Variants in TRPC5 observed in about 807,000 individuals in gnomAD.
The protein encoded by TRPC5 is short transient receptor potential channel 5.
In TRPC5, 9 loss-of-function variants were observed where a neutral mutation model predicts 56.5. That is an observed-to-expected ratio of 0.16 (90% CI 0.10 to 0.28). The LOEUF (loss-of-function observed/expected upper bound fraction) is 0.28. Ranked by LOEUF, TRPC5 falls within the 10% of genes least tolerant of loss-of-function variation. The pLI, the probability that TRPC5 is intolerant of heterozygous loss-of-function variation, is 1.00. For synonymous variants in TRPC5, 282 were observed against 278.5 expected (o/e 1.01, Z -0.13); for missense variants, 469 against 748.9 (o/e 0.63, Z 4.36).
rs1946003826 is a variant in TRPC5, at chrX:111,789,852, C to A, written c.1897-7714G>T. On this transcript the variant is annotated intron_variant, in intron 7 of 10. Transcript: ENST00000262839. ...ATCAGAGAAATGCAAATCAAAACCA[C>A]AATAAGATACCATCTCATGCCAGTT... Among the ~76,000 whole-genome samples the A allele has an allele frequency of 2.7e-5, 3 of 112,500 alleles. No homozygotes were observed. In the South Asian group the frequency reaches 1.1e-3, roughly 41 times the overall value.
intron 1 of TRPC5, among the ~76,000 whole-genome samples, chrX:112,075,378 G>C (rs6642985): frequency 0.022 from 2,440 of 111,289 alleles, 71 homozygotes; most frequent in African/African-American, 0.075. Context: ...CCTGTTAAAT[G>C]GGAATAATAA....
intron 7 of TRPC5, among the ~76,000 whole-genome samples, chrX:111,830,149 T>G (rs1011669081): frequency 7.1e-5 from 8 of 112,620 alleles, no homozygotes; most frequent in South Asian, 3.7e-4. Flanking sequence ...CTTCAAGGTT[T>G]AATGACCGCC....
intron 3 of TRPC5, among the ~76,000 whole-genome samples, chrX:111,860,261 C>A (rs1230914182): frequency 9.6e-6 from 1 of 103,821 alleles, no homozygotes; most frequent in African/African-American, 3.5e-5. Context: ...GAAACAAACA[C>A]GCTTTAAATT....
intron 1 of TRPC5, among the ~76,000 whole-genome samples, chrX:112,042,387 AG>A (rs749695967): frequency 2.7e-5 from 3 of 111,709 alleles, no homozygotes; most frequent in Non-Finnish European, 5.6e-5. Context: ...GGTTGTGTTT[AG>A]TTGCTCCAAG....
At chrX:111,923,701 A>G (rs753667626) in intron 2 of TRPC5, among the ~76,000 whole-genome samples, 11 of 111,952 alleles carry the variant, frequency 9.8e-5, no homozygotes, top group Non-Finnish European at 2.1e-4. Context: ...CCCTCCCTGA[A>G]GGCATTTTGC....
intron 7 of TRPC5, among the ~76,000 whole-genome samples, chrX:111,801,270 C>T (rs1489711760): frequency 1.8e-5 from 2 of 111,971 alleles, no homozygotes; most frequent in African/African-American, 6.5e-5. Context: ...GTATAGACTT[C>T]TTGTTTATCC....
intron 7 of TRPC5, among the ~76,000 whole-genome samples, chrX:111,801,465 C>T (rs1044691290): frequency 4.5e-5 from 5 of 111,562 alleles, no homozygotes; most frequent in African/African-American, 1.6e-4. Context: ...GAGGGATATC[C>T]CTATTGTTTC....
intron 1 of TRPC5, among the ~76,000 whole-genome samples, chrX:111,979,607 C>A (rs1482215112): frequency 9.0e-6 from 1 of 111,243 alleles, no homozygotes; most frequent in Non-Finnish European, 1.9e-5. Flanking sequence ...TATAAAGACT[C>A]TTAAAACACC....
chrX:112,043,672 T>G (rs1462402450), intron 1 of TRPC5, among the ~76,000 whole-genome samples: 1 of 105,766 alleles, frequency 9.5e-6, no homozygotes, highest in African/African-American at 3.4e-5. Context: ...AAGCTAGAGA[T>G]AGGGAACTCA....
chrX:112,008,599 C>CAAAAAAAAAAAAAAAAAAAA (rs771663324), intron 1 of TRPC5, among the ~76,000 whole-genome samples: 9 of 74,039 alleles, frequency 1.2e-4, no homozygotes, highest in African/African-American at 3.6e-4. Flanking sequence ...GACTCTGTCT[C>CAAAAAAAAAAAAAAAAAAAA]AAAAAAAAAA....
At chrX:111,846,052 C>A (rs1259413862) in intron 6 of TRPC5, among the ~76,000 whole-genome samples, 1 of 111,742 alleles carries the variant, frequency 8.9e-6, no homozygotes, top group Non-Finnish European at 1.9e-5. Flanking sequence ...CTAGATAGCA[C>A]TGTTTTGTTT....
chrX:111,781,474 C>A (rs1484648628), intron 8 of TRPC5, among the ~76,000 whole-genome samples: 1 of 112,069 alleles, frequency 8.9e-6, no homozygotes, highest in Non-Finnish European at 1.9e-5. Context: ...GCCTGCAATC[C>A]CAGCACTTTG....
intron 1 of TRPC5, among the ~76,000 whole-genome samples, chrX:112,003,255 T>C (rs374319830): frequency 3.0e-4 from 34 of 111,891 alleles, no homozygotes; most frequent in African/African-American, 1.1e-3. Flanking sequence ...CGAAGATAAA[T>C]ATTCTGAAGG....
chrX:111,845,518 G>T (rs757954602), intron 6 of TRPC5, among the ~76,000 whole-genome samples: 26 of 111,823 alleles, frequency 2.3e-4, no homozygotes, highest in Non-Finnish European at 3.4e-4. Flanking sequence ...TTACAAACTT[G>T]CAAGGAGGCA....
chrX:111,862,525 A>C (rs1251190337), intron 3 of TRPC5, among the ~76,000 whole-genome samples: 1 of 112,327 alleles, frequency 8.9e-6, no homozygotes, highest in Non-Finnish European at 1.9e-5. Flanking sequence ...ATCATTGCCC[A>C]ATCCAAGGTC....
Position 111,852,310 on chromosome X carries a change from C to T in TRPC5, c.1365G>A (p.Val455=). 8.3e-7 allele frequency: 1 copy of T among 1,208,070 alleles called. No individual in the cohort carries two copies. The highest frequency in any genetic ancestry group is 1.1e-6 in the Non-Finnish European group (1 of 893,765). ...LYLATISLKI[V]AYVKYNGSRP... The stretch of plus-strand genomic sequence containing the variant: ...CATTCCAATTTACCTTGACATAGGC[C>T]ACAATCTTCAGGGAAATAGTTGCCA... Residue 455 remains valine, a synonymous_variant, in exon 5 of 11, where the codon GTG becomes GTA. Transcript: ENST00000262839.
intron 7 of TRPC5, among the ~76,000 whole-genome samples, chrX:111,825,871 A>T (rs1922218455): frequency 1.8e-5 from 2 of 111,620 alleles, no homozygotes; most frequent in Admixed American, 1.9e-4. Context: ...GCACCAAAAT[A>T]AGTGAGGATG....
intron 2 of TRPC5, among the ~76,000 whole-genome samples, chrX:111,944,699 A>G (rs964934414): frequency 6.3e-5 from 7 of 111,548 alleles, no homozygotes; most frequent in Admixed American, 5.7e-4. Flanking sequence ...GAGACACAGA[A>G]GAAAACTACA....
intron 3 of TRPC5, among the ~76,000 whole-genome samples, chrX:111,863,039 G>C (rs1159971045): frequency 8.9e-6 from 1 of 111,822 alleles, no homozygotes; most frequent in Admixed American, 9.5e-5. Flanking sequence ...TTTAGTTATA[G>C]ATCTAATTGG....
Sources: allele counts gnomAD v4.1 joint callset (sites outside exome capture counted in the v4.1 genomes callset), GRCh38; gene constraint gnomAD v4.1.1; transcripts MANE v1.5; gene names NCBI Gene and HGNC (gene_info 2026-07-23, HGNC 2026-07-21).